ERICH3: variants seen among roughly 807,000 people sequenced by gnomAD.
ERICH3 encodes the protein glutamate-rich protein 3.
In ERICH3, 126 loss-of-function variants were observed where a neutral mutation model predicts 131.1. That is an observed-to-expected ratio of 0.96 (90% CI 0.83 to 1.11). The LOEUF is 1.11. ERICH3 is among the 50% of genes most tolerant of loss of function. The pLI, the probability that ERICH3 is intolerant of heterozygous loss-of-function variation, is 0.00. For synonymous variants in ERICH3, 695 were observed against 644.6 expected (o/e 1.08, Z -1.18); for missense variants, 2,050 against 1,810.7 (o/e 1.13, Z -2.40).
intron 1 of ERICH3, among the ~76,000 whole-genome samples, chr1:74,655,741 C>G (rs151242506): frequency 6.6e-6 from 1 of 152,298 alleles, no homozygotes; most frequent in East Asian, 1.9e-4. Context: ...CTTCTATGTT[C>G]TGCAAGGTCT....
At chr1:74,634,715 A>C (rs1445504668) in intron 6 of ERICH3, 2 of 706,654 alleles carry the variant, frequency 2.8e-6, no homozygotes, top group Non-Finnish European at 5.3e-6. Flanking sequence ...GGGAGAGGAA[A>C]TCCTACTCAT....
chr1:74,652,558 T>G (rs1311397945), intron 1 of ERICH3, among the ~76,000 whole-genome samples: 1 of 149,564 alleles, frequency 6.7e-6, no homozygotes, highest in African/African-American at 2.5e-5. Flanking sequence ...TTTTTTTTTT[T>G]CTTTCTTGCT....
chr1:74,599,610 A>T, intron 11 of ERICH3, 85 bp downstream of exon 11: 1 of 1,131,480 alleles, frequency 8.8e-7, no homozygotes, highest in Non-Finnish European at 1.3e-6. Context: ...AAAAAAGAGG[A>T]TTATCTCATT....
At chr1:74,592,453 G>A (rs1477365612) in intron 11 of ERICH3, among the ~76,000 whole-genome samples, 2 of 151,984 alleles carry the variant, frequency 1.3e-5, no homozygotes, top group Non-Finnish European at 2.9e-5. Flanking sequence ...TTTAATCAAT[G>A]GCTTTCATTA....
rs1204804605 is a variant in ERICH3 at position 74,572,780 on chromosome 1, C to A, written c.2930G>T (p.Gly977Val). Residue 977 changes from glycine to valine, a missense_variant, in exon 14 of 15, where the codon GGA becomes GTA. By Grantham distance (109) the Gly-to-Val change is moderately radical. Coordinates refer to ENST00000326665, the MANE Select transcript of ERICH3 (RefSeq NM_001002912.5). ...TTTTCTCTCTTTGGCTGGTTCCTCT[C>A]CCCCAAGAATTGCCTCTTCAGAACC... ...EDGSEEAILGGEEPAKERKEV... is the reference protein window; with the variant it reads ...EDGSEEAILGVEEPAKERKEV... The A allele has an allele frequency of 9.3e-6, 15 of 1,613,796 alleles. No individual in the cohort carries two copies. The highest frequency in any genetic ancestry group is 1.3e-5 in the African/African-American group (1 of 74,874).
At chr1:74,588,835 C>T (rs1288124657) in intron 12 of ERICH3, among the ~76,000 whole-genome samples, 2 of 152,124 alleles carry the variant, frequency 1.3e-5, no homozygotes, top group Admixed American at 1.3e-4. Flanking sequence ...TATCCTGACA[C>T]TCCTTACTGT....
intron 7 of ERICH3, chr1:74,622,156 C>G (rs1649245833): frequency 6.6e-6 from 1 of 152,134 alleles, no homozygotes; most frequent in Admixed American, 6.5e-5. Context: ...ATTTCTTTTC[C>G]ATTTCATTCT....
chr1:74,660,609 A>ATATAGTGTGTATATATATACACATGTG (rs1465027442), intron 1 of ERICH3, among the ~76,000 whole-genome samples: 76 of 148,714 alleles, frequency 5.1e-4, no homozygotes, highest in South Asian at 1.3e-3. Flanking sequence ...ATATATATAT[A>ATATAGTGTGTATATATATACACATGTG]TATATAGTGT....
At position 74,571,702 on chromosome 1, in the gene ERICH3, C is replaced by A. The variant is rs748392005; in HGVS notation, c.4008G>T (p.Arg1336Ser). 15 of 1,614,066 alleles carry A rather than the reference C, an allele frequency of 9.3e-6. No individual in the cohort carries two copies. Among genetic ancestry groups the A allele is most frequent in the Non-Finnish European group, 1.2e-5 (14 of 1,180,018 alleles). ...TQKNEGMGGG[R>S]VVAVEVLHGG... is the part of the protein sequence containing the mutation. ...CGTGTAGAACTTCCACAGCCACAAC[C>A]CTTCCTCCTCCCATGCCCTCATTCT... The change falls in exon 14 of 15, where the codon AGG becomes AGT. Residue 1336 changes from arginine (R) to serine (S), a missense_variant. Transcript: ENST00000326665.
chr1:74,619,698 T>C lies in ERICH3; in HGVS notation c.1000+1036A>G, dbSNP rs572614297. ...AAAACAAAAGGAATGAACTCTGGAA[T>C]GCTACAGCAAAATAAACAAGGTAAA... On this transcript the variant is annotated intron_variant, in intron 8 of 14. Coordinates refer to ENST00000326665, the MANE Select transcript of ERICH3 (RefSeq NM_001002912.5). 6.0e-4 allele frequency among the ~76,000 whole-genome samples: 92 copies of C among 152,316 alleles called. No individual in the cohort carries two copies. The South Asian group carries it at 0.018, about 31-fold the overall frequency.
At chr1:74,673,019 A>G (rs1406284639) in intron 1 of ERICH3, among the ~76,000 whole-genome samples, 1 of 152,122 alleles carries the variant, frequency 6.6e-6, no homozygotes, top group Non-Finnish European at 1.5e-5. Context: ...CCCTGAAATA[A>G]TACCCCCTTT....
intron 9 of ERICH3, among the ~76,000 whole-genome samples, chr1:74,609,765 T>G (rs958977915): frequency 1.3e-5 from 2 of 152,128 alleles, no homozygotes; most frequent in Admixed American, 6.6e-5. Flanking sequence ...CATTCTTCTA[T>G]AAGAACTGTG....
intron 11 of ERICH3, among the ~76,000 whole-genome samples, chr1:74,592,794 T>G (rs202091575): frequency 1.3e-5 from 2 of 152,138 alleles, no homozygotes; most frequent in East Asian, 3.9e-4. Flanking sequence ...ATGCTATAAT[T>G]TAGTTTCACT....
At chr1:74,622,145 G>T (rs892871778) in intron 7 of ERICH3, 1 of 152,156 alleles carries the variant, frequency 6.6e-6, no homozygotes, top group Non-Finnish European at 1.5e-5. Flanking sequence ...CACTTCAGAT[G>T]ATTTCTTTTC....
At chr1:74,670,025 G>A (rs1557708212) in intron 1 of ERICH3, among the ~76,000 whole-genome samples, 1 of 152,032 alleles carries the variant, frequency 6.6e-6, no homozygotes, top group Non-Finnish European at 1.5e-5. Flanking sequence ...ATTTCCAAAT[G>A]GTAACATAAG....
intron 6 of ERICH3, among the ~76,000 whole-genome samples, chr1:74,632,140 A>G (rs1646344502): frequency 6.6e-6 from 1 of 152,124 alleles, no homozygotes; most frequent in Admixed American, 6.6e-5. Context: ...TATATTTTTT[A>G]ACTAACATAA....
intron 12 of ERICH3, 97 bp downstream of exon 12, chr1:74,589,534 T>G: frequency 8.7e-7 from 1 of 1,150,506 alleles, no homozygotes; most frequent in Non-Finnish European, 1.3e-6. Context: ...TAAAGCATTG[T>G]CACAGTAGTA....
At chr1:74,616,184 T>C (rs1288379012) in intron 8 of ERICH3, among the ~76,000 whole-genome samples, 4 of 151,832 alleles carry the variant, frequency 2.6e-5, no homozygotes, top group East Asian at 1.9e-4. Flanking sequence ...TATACACATA[T>C]ATATATTGTA....
At position 74,590,007 on chromosome 1, in the gene ERICH3, C is replaced by A. The variant is rs758577242; in HGVS notation, c.1800G>T (p.Val600=). 2 of 1,613,912 alleles carry A rather than the reference C, an allele frequency of 1.2e-6. No homozygotes were observed. Among genetic ancestry groups the A allele is most frequent in the South Asian group, 2.2e-5 (2 of 91,078 alleles). ...TGTCAGTGTGGGCTTCCCTGTCCCC[C>A]ACTGCAGATTCATCCTCACTGTCAC... ...YSSDSEDESA[V]GDREAHTDSS... Residue 600 remains valine, a synonymous_variant, in exon 12 of 15, where the codon GTG becomes GTT. Transcript: ENST00000326665.
Sources: allele counts gnomAD v4.1 joint callset (sites outside exome capture counted in the v4.1 genomes callset), GRCh38; gene constraint gnomAD v4.1.1; transcripts MANE v1.5; gene names NCBI Gene and HGNC (gene_info 2026-07-23, HGNC 2026-07-21).